Variants in THOP1 observed in about 807,000 individuals in gnomAD.
THOP1 encodes the protein thimet oligopeptidase.
A neutral mutation model predicts 71.8 loss-of-function variants in THOP1; 49 were observed. That is an observed-to-expected ratio of 0.68 (90% CI 0.54 to 0.87). The LOEUF (loss-of-function observed/expected upper bound fraction) is 0.87. Among genes scored for constraint, THOP1 ranks in the 40% least tolerant of loss-of-function variants. THOP1 has a pLI of 0.00. For synonymous variants in THOP1, 426 were observed against 421.5 expected, an observed-to-expected ratio of 1.01 and a Z score of -0.13; for missense variants, 843 against 975.6, an observed-to-expected ratio of 0.86 and a Z score of 1.81.
intron 5 of THOP1, 90 bp downstream of exon 5, chr19:2,799,881 G>T: frequency 8.4e-7 from 1 of 1,196,404 alleles, no homozygotes; most frequent in South Asian, 1.3e-5. Flanking sequence ...GCTTCCTCCT[G>T]TGGGCTTCTG....
chr19:2,807,341 C>A, intron 7 of THOP1, 101 bp from the exon 8 acceptor site: 1 of 1,449,652 alleles, frequency 6.9e-7, no homozygotes, highest in South Asian at 1.4e-5. Context: ...GTCCTCCCTT[C>A]CAAATGGGGA....
At chr19:2,791,766 C>G (rs756913461) in intron 2 of THOP1, among the ~76,000 whole-genome samples, 1 of 152,188 alleles carries the variant, frequency 6.6e-6, no homozygotes, top group Non-Finnish European at 1.5e-5. Context: ...GGCCTTTCCT[C>G]TCCTCCTTCA....
intron 5 of THOP1, among the ~76,000 whole-genome samples, chr19:2,802,628 G>A (rs538629210): frequency 6.1e-4 from 93 of 152,046 alleles, no homozygotes; most frequent in Non-Finnish European, 1.1e-3. Context: ...ACCATCTCTG[G>A]CATTAAGTTC....
rs1916260208 is a variant in THOP1, at chr19:2,805,164, C to T, written c.738C>T (p.Cys246=). Residue 246 remains cysteine (C), a synonymous_variant, in exon 6 of 13, where the codon TGC becomes TGT. Coordinates refer to ENST00000307741, the MANE Select transcript of THOP1 (RefSeq NM_003249.5). This position sits in a 1 kb window ranked among gnomAD's most constrained non-coding sequence, Gnocchi z 6.6. Reference sequence around the variant, plus strand: ...GGAAAGTGGAGGAGGCCTTCAACTGCCGGTGCAAGGAGGTGAGAAGGCACG... The same window carrying T: ...GGAAAGTGGAGGAGGCCTTCAACTGTCGGTGCAAGGAGGTGAGAAGGCACG... ...TRRKVEEAFN[C]RCKEENCAIL... is the part of the protein sequence containing the mutation. 1.2e-6 allele frequency: 2 copies of T among 1,611,612 alleles called. No homozygotes were observed. The highest frequency in any genetic ancestry group is 1.3e-5 in the African/African-American group (1 of 74,920).
chr19:2,808,443 A>T lies in THOP1; in HGVS notation c.1454A>T (p.Gln485Leu), dbSNP rs949431842. Residue 485 changes from glutamine (Q) to leucine (L), a missense_variant and splice_region_variant, in exon 9 of 13, where the codon CAG becomes CTG. Transcript: ENST00000307741. The part of the protein sequence containing the change: ...FGHVMHQLCS[Q>L]AEFAMFSGTH... ...CACGTGATGCACCAGCTCTGCTCCCAGGTGGGTGCGGGCCCGGGCAGGGGC... is the reference window on the plus strand; with the variant it reads ...CACGTGATGCACCAGCTCTGCTCCCTGGTGGGTGCGGGCCCGGGCAGGGGC... The T allele has an allele frequency of 6.6e-5, 106 of 1,601,134 alleles. No homozygotes were observed. Among genetic ancestry groups the T allele is most frequent in the Non-Finnish European group, 8.8e-5 (103 of 1,171,822 alleles).
intron 4 of THOP1, 84 bp downstream of exon 4, chr19:2,796,272 G>C (rs756322397): frequency 9.0e-7 from 1 of 1,113,370 alleles, no homozygotes; most frequent in Non-Finnish European, 1.3e-6. Context: ...TCAGTCCCAG[G>C]GAGTGGTGGG....
rs549753977 is a variant in THOP1, at chr19:2,803,770, C to T, written c.590-1246C>T. 1.4e-4 allele frequency among the ~76,000 whole-genome samples: 22 copies of T among 152,262 alleles called. No homozygotes were observed. The East Asian group carries it at 2.5e-3, about 17-fold the overall frequency. On this transcript the variant is annotated intron_variant, in intron 5 of 12. Coordinates refer to ENST00000307741, the MANE Select transcript of THOP1 (RefSeq NM_003249.5). ...ACAAACGGGAAGGCGGGGGCTCTGC[C>T]GGCCACAGGACTCTCAGCTCCCTCA...
intron 2 of THOP1, among the ~76,000 whole-genome samples, chr19:2,792,756 C>T (rs1011297668): frequency 1.3e-5 from 2 of 151,946 alleles, no homozygotes; most frequent in Admixed American, 6.6e-5. Context: ...CAGGCTCAAG[C>T]GATCCTCCTG....
chr19:2,802,974 C>T (rs1373401166), intron 5 of THOP1, among the ~76,000 whole-genome samples: 1 of 152,246 alleles, frequency 6.6e-6, no homozygotes, highest in Non-Finnish European at 1.5e-5. Flanking sequence ...TCTGAACCTG[C>T]TCTTACTGTG....
intron 4 of THOP1, among the ~76,000 whole-genome samples, chr19:2,797,925 G>A (rs1471229676): frequency 1.3e-5 from 2 of 152,234 alleles, no homozygotes; most frequent in Non-Finnish European, 2.9e-5. Flanking sequence ...AGTGAAACCA[G>A]CACTGACGAA....
chr19:2,797,354 G>A (rs1412044412), intron 4 of THOP1, among the ~76,000 whole-genome samples: 1 of 152,192 alleles, frequency 6.6e-6, no homozygotes, highest in Non-Finnish European at 1.5e-5. Context: ...GGCCAGCAAG[G>A]CACCCAAATG....
chr19:2,797,463 C>T (rs1184757216), intron 4 of THOP1, among the ~76,000 whole-genome samples: 1 of 152,234 alleles, frequency 6.6e-6, no homozygotes, highest in East Asian at 1.9e-4. Context: ...CACTTGGGCA[C>T]TTGCTGTCCT....
intron 2 of THOP1, among the ~76,000 whole-genome samples, chr19:2,792,323 G>A (rs1157697523): frequency 6.6e-6 from 1 of 152,096 alleles, no homozygotes; most frequent in African/African-American, 2.4e-5. Flanking sequence ...CATCTCCCAG[G>A]CTCAAGCCAT....
intron 10 of THOP1, 36 bp downstream of exon 10, chr19:2,810,526 CG>C (rs777869297): frequency 2.0e-5 from 30 of 1,532,530 alleles, no homozygotes; most frequent in Middle Eastern, 2.3e-4. Context: ...GTGCTAACCT[CG>C]GGGGGCGGCA....
intron 12 of THOP1, chr19:2,812,206 A>T (rs1309974760): frequency 6.6e-7 from 1 of 1,510,388 alleles, no homozygotes; most frequent in Non-Finnish European, 8.8e-7. Flanking sequence ...CAGTTTCCTC[A>T]CTATGAAGTG....
intron 11 of THOP1, 108 bp downstream of exon 11, chr19:2,810,876 C>A: frequency 6.9e-7 from 1 of 1,453,840 alleles, no homozygotes; most frequent in Non-Finnish European, 9.1e-7. Context: ...TGCAGGAGTC[C>A]CTGCTGGGGA....
chr19:2,810,765 C>T lies in THOP1; in HGVS notation c.1768C>T (p.Pro590Ser), dbSNP rs1400998148. The change falls in exon 11 of 13, where the codon CCA becomes TCA. Residue 590 changes from proline to serine, a missense_variant. Pro to Ser is a moderately conservative substitution (Grantham distance 74). Coordinates refer to ENST00000307741, the MANE Select transcript of THOP1 (RefSeq NM_003249.5). ...GGAGATCCTCGGGGTCCCGGCCACG[C>T]CAGGTAGCCACCCTTGAGCCGGGCA... is the stretch of plus-strand genomic sequence containing the variant. Reference protein sequence around the residue: ...CQEILGVPATPGTNMPATFGH... With the variant: ...CQEILGVPATSGTNMPATFGH... 6.2e-7 allele frequency: 1 copy of T among 1,602,698 alleles called. No individual in the cohort carries two copies. Among genetic ancestry groups the T allele is most frequent in the South Asian group, 1.1e-5 (1 of 89,688 alleles).
chr19:2,805,018 G>A lies in THOP1; in HGVS notation c.592G>A (p.Gly198Arg), dbSNP rs772914625. The A allele has an allele frequency of 6.2e-7, 1 of 1,611,430 alleles. No homozygotes were observed. Residue 198 changes from glycine (G) to arginine (R), a missense_variant and splice_region_variant, in exon 6 of 13, where the codon GGG becomes AGG. Physicochemically the swap from Gly to Arg is moderately radical, Grantham distance 125. Coordinates refer to ENST00000307741, the MANE Select transcript of THOP1 (RefSeq NM_003249.5). This position sits in a 1 kb window ranked among gnomAD's most constrained non-coding sequence, Gnocchi z 6.6. ...FLPFTLQELG[G>R]LPEDFLNSLE... ...CCACCCTGGTTCTGTCCCCATAGGA[G>A]GGCTCCCCGAGGACTTTCTGAACTC... is the stretch of plus-strand genomic sequence containing the variant.
At position 2,794,085 on chromosome 19, in the gene THOP1, A is replaced by G. The variant is rs548899729; in HGVS notation, c.230-679A>G. Among the ~76,000 whole-genome samples the G allele has an allele frequency of 1.0e-4, 15 of 146,848 alleles. No individual in the cohort carries two copies. In the South Asian group the frequency reaches 2.9e-3, roughly 28 times the overall value. On this transcript the variant is annotated intron_variant, in intron 2 of 12. Transcript: ENST00000307741. ...GCTGGAGTGCAGTGGTACCATTTCA[A>G]CTCGCTGCAACCTCCACCTCCCGGG...
Sources: allele counts gnomAD v4.1 joint callset (sites outside exome capture counted in the v4.1 genomes callset), GRCh38; gene constraint gnomAD v4.1.1; non-coding constraint Gnocchi (gnomAD v3.1); transcripts MANE v1.5; gene names NCBI Gene and HGNC (gene_info 2026-07-23, HGNC 2026-07-21).